The following LRP1B variants were observed in gnomAD, a reference collection of about 807,000 sequenced individuals.
LRP1B encodes the protein LDL receptor related protein 1B, also known as low-density lipoprotein receptor-related protein 1B.
A neutral mutation model predicts 556.6 loss-of-function variants in LRP1B; 217 were observed. That is an observed-to-expected ratio of 0.39 (90% CI 0.35 to 0.44). The LOEUF is 0.44. Ranked by LOEUF, LRP1B falls within the 20% of genes least tolerant of loss-of-function variation. The pLI is 1.00. For missense variants in LRP1B, 5,053 were observed against 5,620.8 expected (o/e 0.90, Z 3.23); for synonymous variants, 2,047 against 1,865.8 (o/e 1.10, Z -2.50).
At chr2:141,128,209 A>T (rs1701264127) in intron 7 of LRP1B, among the ~76,000 whole-genome samples, 1 of 152,174 alleles carries the variant, frequency 6.6e-6, no homozygotes, top group Admixed American at 6.6e-5. Context: ...TGTATTATGT[A>T]TGTCTTTTTA....
At chr2:141,793,732 T>C (rs1695702087) in intron 2 of LRP1B, among the ~76,000 whole-genome samples, 1 of 151,978 alleles carries the variant, frequency 6.6e-6, no homozygotes, top group African/African-American at 2.4e-5. Context: ...TTTAAGAAAC[T>C]TTAAATTCTT....
chr2:141,231,363 A>G (rs1450987778), intron 5 of LRP1B, among the ~76,000 whole-genome samples: 2 of 152,198 alleles, frequency 1.3e-5, no homozygotes, highest in Non-Finnish European at 2.9e-5. Context: ...AAACAATCCT[A>G]TAATTCATGC....
At chr2:140,917,359 T>C (rs1413017331) in intron 21 of LRP1B, among the ~76,000 whole-genome samples, 1 of 152,146 alleles carries the variant, frequency 6.6e-6, no homozygotes, top group East Asian at 1.9e-4. Context: ...TTTACCCAAA[T>C]GAATTGACAA....
intron 1 of LRP1B, among the ~76,000 whole-genome samples, chr2:141,840,251 A>C (rs903761840): frequency 2.7e-5 from 4 of 147,738 alleles, no homozygotes; most frequent in African/African-American, 1.0e-4. Flanking sequence ...TATTAGAACA[A>C]ATTTCCTTTT....
At chr2:141,821,960 G>T (rs1162803686) in intron 1 of LRP1B, among the ~76,000 whole-genome samples, 1 of 152,030 alleles carries the variant, frequency 6.6e-6, no homozygotes, top group African/African-American at 2.4e-5. Context: ...TTTTCAGGGA[G>T]AATGTAGGGA....
chr2:141,178,028 T>C (rs1680814507), intron 7 of LRP1B, among the ~76,000 whole-genome samples: 1 of 152,142 alleles, frequency 6.6e-6, no homozygotes, highest in Non-Finnish European at 1.5e-5. Context: ...ATATGGTTAT[T>C]GGTATGTAGA....
chr2:140,240,352 A>G (rs549685811), intron 87 of LRP1B, among the ~76,000 whole-genome samples: 1 of 150,888 alleles, frequency 6.6e-6, no homozygotes, highest in East Asian at 2.0e-4. Context: ...TGATCAGTGA[A>G]ATTTGGTCTT....
In LRP1B at chr2:141,369,931, T is replaced by C. The variant is rs541100742; in HGVS notation, c.343+110465A>G. ...GTCTGAGTTATTTCACTTAAGACAA[T>C]GTCCTTCAGTTCCATTCATGTTGCT... On this transcript the variant is annotated intron_variant, in intron 3 of 90. Transcript: ENST00000389484. 2.0e-5 allele frequency among the ~76,000 whole-genome samples: 3 copies of C among 152,344 alleles called. 1 individual carries two copies. Among genetic ancestry groups the C allele is most frequent in the African/African-American group, 7.2e-5 (3 of 41,592 alleles).
intron 7 of LRP1B, among the ~76,000 whole-genome samples, chr2:141,158,673 G>A (rs1338156502): frequency 2.0e-5 from 3 of 152,106 alleles, no homozygotes; most frequent in African/African-American, 7.2e-5. Context: ...GTAGTACTAA[G>A]CAGCTACAGT....
At chr2:141,757,716 T>A (rs944587870) in intron 2 of LRP1B, among the ~76,000 whole-genome samples, 1 of 152,048 alleles carries the variant, frequency 6.6e-6, no homozygotes, top group African/African-American at 2.4e-5. Flanking sequence ...AATTTTTTTT[T>A]ATAGAGATGG....
intron 2 of LRP1B, among the ~76,000 whole-genome samples, chr2:141,709,540 ATTTC>A (rs1190063778): frequency 6.6e-6 from 1 of 152,084 alleles, no homozygotes; most frequent in African/African-American, 2.4e-5. Flanking sequence ...CAAGTTTTGA[ATTTC>A]TTTGTTTGGT....
At chr2:141,560,164 G>A (rs948305955) in intron 2 of LRP1B, among the ~76,000 whole-genome samples, 1 of 151,576 alleles carries the variant, frequency 6.6e-6, no homozygotes, top group African/African-American at 2.4e-5. Context: ...AACCATTCAC[G>A]ATATACTAAA....
At chr2:141,681,766 G>A (rs576316287) in intron 2 of LRP1B, among the ~76,000 whole-genome samples, 1 of 152,268 alleles carries the variant, frequency 6.6e-6, no homozygotes, top group African/African-American at 2.4e-5. Flanking sequence ...AAGTCCCTGA[G>A]TTCCTCTGGA....
At chr2:140,430,622 C>T (rs1685887345) in intron 66 of LRP1B, among the ~76,000 whole-genome samples, 1 of 152,178 alleles carries the variant, frequency 6.6e-6, no homozygotes, top group Non-Finnish European at 1.5e-5. Context: ...AAACTTCCAC[C>T]TATCAATCTC....
intron 1 of LRP1B, among the ~76,000 whole-genome samples, chr2:141,991,102 A>G (rs143298755): frequency 1.4e-4 from 21 of 152,198 alleles, no homozygotes; most frequent in East Asian, 9.6e-4. Context: ...TTCAATTAAT[A>G]TGGTGAGGTT....
chr2:141,998,025 TA>T (rs540375790), intron 1 of LRP1B, among the ~76,000 whole-genome samples: 1 of 151,922 alleles, frequency 6.6e-6, no homozygotes, highest in Non-Finnish European at 1.5e-5. Context: ...CGTATTAAAG[TA>T]AAAAAAGGGT....
chr2:142,072,336 C>T (rs1275025109), intron 1 of LRP1B, among the ~76,000 whole-genome samples: 1 of 151,926 alleles, frequency 6.6e-6, no homozygotes, highest in Non-Finnish European at 1.5e-5. Context: ...CCATACCCTG[C>T]TAACAATTTC....
In LRP1B at chr2:141,023,969, T is replaced by C. The variant is rs114078841; in HGVS notation, c.1790-3867A>G. Among the ~76,000 whole-genome samples, 1,424 of 152,150 alleles carry C rather than the reference T, an allele frequency of 9.4e-3. 14 individuals carry two copies. Among genetic ancestry groups the C allele is most frequent in the Middle Eastern group, 0.027 (8 of 294 alleles). ...GCTTTAAATAATTAAGTCTGCATCA[T>C]GCATGTAGACATGCCTAAGGCCAGC... On this transcript the variant is annotated intron_variant, in intron 11 of 90. Coordinates refer to ENST00000389484, the MANE Select transcript of LRP1B (RefSeq NM_018557.3).
At chr2:141,274,499 G>C (rs758786245) in intron 3 of LRP1B, among the ~76,000 whole-genome samples, 1 of 152,156 alleles carries the variant, frequency 6.6e-6, no homozygotes, top group Non-Finnish European at 1.5e-5. Context: ...ATCCAGGATA[G>C]ACAAAGCAGT....
Sources: allele counts gnomAD v4.1 joint callset (sites outside exome capture counted in the v4.1 genomes callset), GRCh38; gene constraint gnomAD v4.1.1; transcripts MANE v1.5; gene names NCBI Gene and HGNC (gene_info 2026-07-23, HGNC 2026-07-21).